C16orf78: variants seen among roughly 807,000 people sequenced by gnomAD.
C16orf78 encodes the protein uncharacterized protein C16orf78.
Under a neutral mutation model 27.3 loss-of-function variants are expected in C16orf78, and 19 were observed. The observed-to-expected ratio is 0.70, with a 90% CI of 0.49 to 1.02. C16orf78 has a LOEUF of 1.02. C16orf78 is among the 50% of genes least tolerant of loss of function. C16orf78 has a pLI of 0.00. For synonymous variants in C16orf78, 130 were observed against 116.1 expected (o/e 1.12, Z -0.77); for missense variants, 339 against 337.0 (o/e 1.01, Z -0.05).
Position 49,376,181 on chromosome 16 carries a change from C to T in C16orf78, c.151-1550C>T, listed in dbSNP as rs536840271. On this transcript the variant is annotated intron_variant, in intron 1 of 4. Transcript: ENST00000299191. ...TTCACCACTCAGGGCCCTCTGTGAC[C>T]TCCTCTGTTCTCTCCTGGGGTCTGA... 5.3e-5 allele frequency among the ~76,000 whole-genome samples: 8 copies of T among 152,310 alleles called. No homozygotes were observed. The South Asian group carries it at 1.7e-3, about 32-fold the overall frequency.
intron 3 of C16orf78, among the ~76,000 whole-genome samples, chr16:49,389,239 A>G (rs987960409): frequency 2.7e-4 from 41 of 152,144 alleles, no homozygotes; most frequent in Admixed American, 1.4e-3. Context: ...CTTGGCCAAC[A>G]TGGCAAAACC....
At position 49,396,672 on chromosome 16, in the gene C16orf78, G is replaced by A; in HGVS notation, c.644G>A (p.Ser215Asn). The change falls in exon 4 of 5, where the codon AGC (serine) becomes AAC (asparagine). Residue 215 changes from serine (S) to asparagine (N), a missense_variant. By Grantham distance (46) the Ser-to-Asn change is conservative (BLOSUM62 1). Transcript: ENST00000299191. The stretch of plus-strand genomic sequence containing the variant: ...ATGTTGAAGCCAGAGGAGGTGCTGA[G>A]CTGCCGGTGAGAGCTGCCACCCCCT... The part of the protein sequence containing the change: ...MRMLKPEEVL[S>N]CRYLRLSKEN... 6.2e-7 allele frequency: 1 copy of A among 1,606,534 alleles called. No homozygotes were observed. Among genetic ancestry groups the A allele is most frequent in the Non-Finnish European group, 8.5e-7 (1 of 1,179,834 alleles).
chr16:49,386,202 TA>T (rs532593843), intron 3 of C16orf78, among the ~76,000 whole-genome samples: 14 of 152,014 alleles, frequency 9.2e-5, no homozygotes, highest in African/African-American at 2.9e-4. Flanking sequence ...TCTAAATATA[TA>T]AAAAAAATTA....
chr16:49,377,633 G>A, intron 1 of C16orf78, 98 bp from the exon 2 acceptor site: 1 of 1,461,416 alleles, frequency 6.8e-7, no homozygotes, highest in Non-Finnish European at 9.2e-7. Flanking sequence ...GTGGAGGGGA[G>A]GGACAGCCCC....
At chr16:49,386,172 A>G (rs1965348416) in intron 3 of C16orf78, among the ~76,000 whole-genome samples, 1 of 152,242 alleles carries the variant, frequency 6.6e-6, no homozygotes, top group Admixed American at 6.5e-5. Flanking sequence ...TGAAATATTT[A>G]TTCACTCAAC....
chr16:49,399,285 C>G lies in C16orf78; in HGVS notation c.*7C>G. 6.2e-7 allele frequency: 1 copy of G among 1,613,602 alleles called. No homozygotes were observed. Among genetic ancestry groups the G allele is most frequent in the African/African-American group, 1.3e-5 (1 of 75,038 alleles). ...ACCCAGCATGGCCCTCTAAATAGCT[C>G]CTCTCGCCACCACCTTCAGGCTCCT... is the stretch of plus-strand genomic sequence containing the variant. On this transcript the variant is annotated 3_prime_UTR_variant, in exon 5 of 5. Transcript: ENST00000299191.
chr16:49,385,215 TTAACTA>T (rs1281319854), intron 3 of C16orf78, among the ~76,000 whole-genome samples: 26 of 152,308 alleles, frequency 1.7e-4, no homozygotes, highest in African/African-American at 6.3e-4. Flanking sequence ...TGTATTAAAA[TTAACTA>T]TAACTATAAT....
rs113616428 is a variant in C16orf78 at position 49,393,137 on chromosome 16, G to T, written c.395-3286G>T. Among the ~76,000 whole-genome samples the T allele has an allele frequency of 6.0e-3, 911 of 152,194 alleles. 10 individuals carry two copies. The highest frequency in any genetic ancestry group is 0.021 in the African/African-American group (874 of 41,510). ...CCCAGTCTCGGGTACATCTTTATTAGCAGCATGAGAACAGACTCATACAGC... is the reference window on the plus strand; with the variant it reads ...CCCAGTCTCGGGTACATCTTTATTATCAGCATGAGAACAGACTCATACAGC... On this transcript the variant is annotated intron_variant, in intron 3 of 4. Coordinates refer to ENST00000299191, the MANE Select transcript of C16orf78 (RefSeq NM_144602.4).
At chr16:49,393,129 C>T (rs1159398480) in intron 3 of C16orf78, among the ~76,000 whole-genome samples, 1 of 152,154 alleles carries the variant, frequency 6.6e-6, no homozygotes, top group Non-Finnish European at 1.5e-5. Context: ...TCGGGTACAT[C>T]TTTATTAGCA....
chr16:49,388,843 T>A (rs758193930), intron 3 of C16orf78, among the ~76,000 whole-genome samples: 52 of 152,294 alleles, frequency 3.4e-4, no homozygotes, highest in Non-Finnish European at 1.9e-4. Flanking sequence ...TTTCTTGGTC[T>A]TGATTTCTAA....
chr16:49,384,503 G>A (rs1252089867), intron 3 of C16orf78, among the ~76,000 whole-genome samples: 1 of 151,764 alleles, frequency 6.6e-6, no homozygotes, highest in Non-Finnish European at 1.5e-5. Flanking sequence ...TATTCAGTCT[G>A]AGGAGTAAAA....
intron 1 of C16orf78, among the ~76,000 whole-genome samples, chr16:49,376,215 T>G (rs781559368): frequency 1.3e-5 from 2 of 152,216 alleles, no homozygotes; most frequent in Non-Finnish European, 2.9e-5. Context: ...GACCTGGCCA[T>G]CCAGGCTCTT....
chr16:49,382,181 G>A (rs1046500552), intron 3 of C16orf78, among the ~76,000 whole-genome samples: 14 of 152,074 alleles, frequency 9.2e-5, no homozygotes, highest in East Asian at 5.8e-4. Flanking sequence ...ACCAAACACC[G>A]CATATTCTCA....
At chr16:49,377,278 C>T (rs539260744) in intron 1 of C16orf78, among the ~76,000 whole-genome samples, 3 of 152,200 alleles carry the variant, frequency 2.0e-5, no homozygotes, top group African/African-American at 4.8e-5. Context: ...TGGGGTGCTC[C>T]GGGACCAAGG....
intron 1 of C16orf78, among the ~76,000 whole-genome samples, chr16:49,374,823 T>G (rs566119869): frequency 2.0e-5 from 3 of 152,292 alleles, no homozygotes; most frequent in Admixed American, 2.0e-4. Flanking sequence ...TTTGCCTTAG[T>G]TTTTCCCAGA....
At chr16:49,392,627 AAT>A (rs1965427108) in intron 3 of C16orf78, among the ~76,000 whole-genome samples, 1 of 152,228 alleles carries the variant, frequency 6.6e-6, no homozygotes, top group Admixed American at 6.5e-5. Context: ...TAGGTAAATA[AAT>A]AAAACAAAAC....
chr16:49,392,602 GTAGTAGGTAAA>G (rs1414308667), intron 3 of C16orf78, among the ~76,000 whole-genome samples: 6 of 152,182 alleles, frequency 3.9e-5, no homozygotes. Flanking sequence ...ATCAAAAAAT[GTAGTAGGTAAA>G]TAGTAGGTAA....
intron 3 of C16orf78, among the ~76,000 whole-genome samples, chr16:49,385,998 C>G (rs944492831): frequency 1.2e-4 from 19 of 152,168 alleles, no homozygotes; most frequent in African/African-American, 4.6e-4. Context: ...AGGACACACA[C>G]AGCCTGAAAG....
chr16:49,378,783 G>A (rs1247836817), intron 3 of C16orf78, among the ~76,000 whole-genome samples, 190 bp downstream of exon 3: 1 of 152,162 alleles, frequency 6.6e-6, no homozygotes, highest in African/African-American at 2.4e-5. Flanking sequence ...TTGGCAAGCA[G>A]GGTGTGACAT....
Sources: gnomAD v4.1 joint callset for allele counts (sites outside exome capture counted in the v4.1 genomes callset) on GRCh38, gnomAD v4.1.1 for gene constraint, MANE v1.5 for transcripts, NCBI Gene and HGNC (gene_info 2026-07-23, HGNC 2026-07-21) for gene names.